The following UTRN variants were observed in gnomAD, a reference collection of about 807,000 sequenced individuals.
The protein encoded by UTRN is utrophin.
A neutral mutation model predicts 463.9 loss-of-function variants in UTRN; 283 were observed. The ratio of observed to expected loss-of-function variants is 0.61; its 90% CI spans 0.55 to 0.67. The LOEUF is 0.67. UTRN is among the 30% of genes least tolerant of loss of function. The pLI is 0.00. For synonymous variants in UTRN, 1,442 were observed against 1,431.5 expected, an observed-to-expected ratio of 1.01 and a Z score of -0.17; for missense variants, 3,922 against 4,084.3, an observed-to-expected ratio of 0.96 and a Z score of 1.08.
At chr6:144,782,613 G>A (rs537352534) in intron 61 of UTRN, among the ~76,000 whole-genome samples, 8 of 139,866 alleles carry the variant, frequency 5.7e-5, no homozygotes, top group Non-Finnish European at 1.2e-4. Context: ...TTGCATAGTG[G>A]TTATGTGTGT....
In UTRN at chr6:144,791,793, A is replaced by G. The variant is rs9399501; in HGVS notation, c.8921-2041A>G. ...GAAATATGTCAAAATGTCTAAGGAC[A>G]CTTTTGTCCTTATGTTTTGTGAGTA... On this transcript the variant is annotated intron_variant, in intron 62 of 74. Coordinates refer to ENST00000367545, the MANE Select transcript of UTRN (RefSeq NM_007124.3). Among the ~76,000 whole-genome samples the G allele has an allele frequency of 1.5e-3, 234 of 152,284 alleles. 5 individuals are homozygous for G. The East Asian group carries it at 0.038, about 25-fold the overall frequency.
intron 30 of UTRN, among the ~76,000 whole-genome samples, chr6:144,489,570 T>C (rs1054036256): frequency 1.3e-5 from 2 of 152,194 alleles, no homozygotes; most frequent in African/African-American, 4.8e-5. Flanking sequence ...AGGTGCGTCA[T>C]GTACAATAGT....
chr6:144,493,284 CTTTG>C lies in UTRN; in HGVS notation c.4438-9_4438-6del, dbSNP rs751665469. On this transcript the variant is annotated splice_polypyrimidine_tract_variant and intron_variant, in intron 32 of 74. Transcript: ENST00000367545. Reference sequence around the variant, plus strand: ...ACCACAGTGTGTAATTTGTCTTTTTCTTTGTTTGTTTTAAAGAAACTGTATAAAA... The same window carrying C: ...ACCACAGTGTGTAATTTGTCTTTTTCTTTGTTTTAAAGAAACTGTATAAAA... 1.1e-5 allele frequency: 18 copies of C among 1,612,394 alleles called. No homozygotes were observed. The highest frequency in any genetic ancestry group is 6.7e-5 in the Admixed American group (4 of 59,820).
At chr6:144,471,634 G>A (rs1790671655) in intron 23 of UTRN, among the ~76,000 whole-genome samples, 1 of 152,164 alleles carries the variant, frequency 6.6e-6, no homozygotes, top group Non-Finnish European at 1.5e-5. Flanking sequence ...TCTATGCTAA[G>A]ACCTTGAAAT....
At chr6:144,370,645 C>T (rs1244671193) in intron 2 of UTRN, among the ~76,000 whole-genome samples, 1 of 152,174 alleles carries the variant, frequency 6.6e-6, no homozygotes, top group Non-Finnish European at 1.5e-5. Context: ...CCTTCAGACC[C>T]CAGAATGGTA....
chr6:144,497,337 G>T (rs1793748068), intron 33 of UTRN, among the ~76,000 whole-genome samples: 1 of 151,638 alleles, frequency 6.6e-6, no homozygotes. Flanking sequence ...CTGGGTTTCT[G>T]GCTTGATGAT....
intron 53 of UTRN, among the ~76,000 whole-genome samples, chr6:144,715,964 A>G (rs943962265): frequency 6.6e-6 from 1 of 152,114 alleles, no homozygotes; most frequent in African/African-American, 2.4e-5. Context: ...TAAATAGCCA[A>G]ATGTTTAATA....
At chr6:144,758,238 G>C (rs940214246) in intron 58 of UTRN, 2 of 288,756 alleles carry the variant, frequency 6.9e-6, no homozygotes, top group African/African-American at 4.4e-5. Context: ...TTTGGAGACA[G>C]ACAATAAGCT....
intron 71 of UTRN, among the ~76,000 whole-genome samples, chr6:144,838,521 C>T (rs918421710): frequency 3.3e-5 from 5 of 152,144 alleles, no homozygotes; most frequent in African/African-American, 7.2e-5. Context: ...TATTTGTCAG[C>T]GTATCCATAT....
chr6:144,796,552 C>T (rs777645094), intron 63 of UTRN, among the ~76,000 whole-genome samples: 4 of 151,962 alleles, frequency 2.6e-5, no homozygotes, highest in Non-Finnish European at 5.9e-5. Flanking sequence ...TTCTTTGAGA[C>T]TATGCATACA....
rs890053507 is a variant in UTRN, at chr6:144,298,514, C to T, written c.79+6607C>T. On this transcript the variant is annotated intron_variant, in intron 2 of 74. Coordinates refer to ENST00000367545, the MANE Select transcript of UTRN (RefSeq NM_007124.3). ...TTCATAAGGGAAATGTCTGTGTATG[C>T]GCATCTGGCAGCTAAGATTAAGGTT... Among the ~76,000 whole-genome samples, 10 of 152,134 alleles carry T rather than the reference C, an allele frequency of 6.6e-5. No homozygotes were observed. The South Asian group carries it at 8.3e-4, about 13-fold the overall frequency.
intron 51 of UTRN, among the ~76,000 whole-genome samples, chr6:144,600,174 C>A (rs1297936633): frequency 6.6e-6 from 1 of 152,144 alleles, no homozygotes; most frequent in Non-Finnish European, 1.5e-5. Context: ...TGAGACATAA[C>A]AATATTGAAA....
At chr6:144,665,806 C>T (rs1006297973) in intron 51 of UTRN, among the ~76,000 whole-genome samples, 1 of 152,170 alleles carries the variant, frequency 6.6e-6, no homozygotes, top group African/African-American at 2.4e-5. Context: ...TTTCTAACTC[C>T]TGGCTTTTCT....
rs148329415 is a variant in UTRN at position 144,381,088 on chromosome 6, T to C, written c.80-22035T>C. 2.8e-3 allele frequency among the ~76,000 whole-genome samples: 423 copies of C among 152,148 alleles called. 3 individuals carry two copies. Among genetic ancestry groups the C allele is most frequent in the Middle Eastern group, 0.014 (4 of 294 alleles). On this transcript the variant is annotated intron_variant, in intron 2 of 74. Transcript: ENST00000367545. The stretch of plus-strand genomic sequence containing the variant: ...TCATGGGTAAATGTGTGTCACAGGA[T>C]GGGGGTTTGTTTACGGATTATTTCA...
At chr6:144,709,147 TC>T (rs1785396017) in intron 53 of UTRN, among the ~76,000 whole-genome samples, 1 of 152,198 alleles carries the variant, frequency 6.6e-6, no homozygotes, top group Non-Finnish European at 1.5e-5. Flanking sequence ...CCATAGTACT[TC>T]GTTGCAATTC....
chr6:144,842,435 T>C (rs1011941113), intron 73 of UTRN, among the ~76,000 whole-genome samples: 6 of 151,670 alleles, frequency 4.0e-5, no homozygotes, highest in African/African-American at 1.5e-4. Context: ...CCAAAAAAAT[T>C]TTCCAGGTAT....
intron 51 of UTRN, among the ~76,000 whole-genome samples, chr6:144,651,605 AT>A (rs1241961934): frequency 6.6e-6 from 1 of 152,234 alleles, no homozygotes; most frequent in Non-Finnish European, 1.5e-5. Flanking sequence ...TTCTCATACA[AT>A]TAAAACATTT....
At chr6:144,467,754 G>T (rs1790105664) in intron 23 of UTRN, among the ~76,000 whole-genome samples, 1 of 152,084 alleles carries the variant, frequency 6.6e-6, no homozygotes, top group Non-Finnish European at 1.5e-5. Flanking sequence ...ACATATAATT[G>T]ATATAATTAT....
chr6:144,597,783 GT>G (rs1305355721), intron 51 of UTRN, among the ~76,000 whole-genome samples: 1 of 152,058 alleles, frequency 6.6e-6, no homozygotes, highest in Non-Finnish European at 1.5e-5. Flanking sequence ...ATACCTTTTT[GT>G]TTTGCTTTTC....
Sources: allele counts gnomAD v4.1 joint callset (sites outside exome capture counted in the v4.1 genomes callset), GRCh38; gene constraint gnomAD v4.1.1; transcripts MANE v1.5; gene names NCBI Gene and HGNC (gene_info 2026-07-23, HGNC 2026-07-21).